Variants in PHF21A observed in about 807,000 individuals in gnomAD.
The protein encoded by PHF21A is PHD finger protein 21A, also known as BHC80a.
A neutral mutation model predicts 82.5 loss-of-function variants in PHF21A; 11 were observed. The observed-to-expected ratio is 0.13, with a 90% confidence interval of 0.08 to 0.22. The LOEUF is 0.22. PHF21A is among the 10% of genes least tolerant of loss of function. The pLI is 1.00. For missense variants in PHF21A, 579 were observed against 837.8 expected, an observed-to-expected ratio of 0.69 and a Z score of 3.81; for synonymous variants, 297 against 302.8, an observed-to-expected ratio of 0.98 and a Z score of 0.20.
At chr11:45,992,646 T>A (rs2094751981) in intron 6 of PHF21A, among the ~76,000 whole-genome samples, 1 of 152,294 alleles carries the variant, frequency 6.6e-6, no homozygotes, top group East Asian at 1.9e-4. Context: ...TTTATCATAA[T>A]GGAAGAGCTG....
At chr11:45,944,894 G>A (rs548657239) in intron 15 of PHF21A, among the ~76,000 whole-genome samples, 22 of 152,326 alleles carry the variant, frequency 1.4e-4, no homozygotes, top group African/African-American at 5.1e-4. Context: ...AGCCTCCAGA[G>A]TAACTGGGAT....
intron 10 of PHF21A, among the ~76,000 whole-genome samples, chr11:45,961,121 A>G (rs946847862): frequency 2.0e-5 from 3 of 152,230 alleles, no homozygotes; most frequent in Non-Finnish European, 4.4e-5. Flanking sequence ...AAATAAATAA[A>G]AAGTCCAGTT....
intron 6 of PHF21A, among the ~76,000 whole-genome samples, chr11:45,993,727 G>A (rs2094799127): frequency 6.6e-6 from 1 of 151,604 alleles, no homozygotes; most frequent in Non-Finnish European, 1.5e-5. Context: ...GAGTCAGGCT[G>A]TTGAGATCCA....
chr11:46,060,538 A>G lies in PHF21A; in HGVS notation c.153+16216T>C, dbSNP rs569618859. Among the ~76,000 whole-genome samples, 7 of 152,278 alleles carry G rather than the reference A, an allele frequency of 4.6e-5. No homozygotes were observed. In the South Asian group the frequency reaches 1.4e-3, roughly 32 times the overall value. On this transcript the variant is annotated intron_variant, in intron 6 of 18. Coordinates refer to ENST00000676320, the MANE Select transcript of PHF21A (RefSeq NM_001352027.3). ...ATTTCTAAGTAAATTCTAACCACTC[A>G]TTGTGGTTCTGATGTGCATTTCTCT...
intron 1 of PHF21A, among the ~76,000 whole-genome samples, chr11:46,104,376 T>A (rs1241450127): frequency 1.3e-5 from 2 of 152,150 alleles, no homozygotes; most frequent in Non-Finnish European, 2.9e-5. Context: ...TGCATCAATA[T>A]CTTGGTGCTG....
chr11:46,004,220 A>T (rs549618844), intron 6 of PHF21A, among the ~76,000 whole-genome samples: 1 of 152,318 alleles, frequency 6.6e-6, no homozygotes, highest in Admixed American at 6.5e-5. Flanking sequence ...ACTGGTAAGA[A>T]ATTTCATCCA....
At chr11:46,024,627 C>A (rs938209164) in intron 6 of PHF21A, among the ~76,000 whole-genome samples, 4 of 151,996 alleles carry the variant, frequency 2.6e-5, no homozygotes, top group African/African-American at 9.7e-5. Context: ...TGGTGAAACC[C>A]CATCTCTACT....
intron 6 of PHF21A, among the ~76,000 whole-genome samples, chr11:46,052,384 C>T (rs1224072631): frequency 6.6e-6 from 1 of 152,076 alleles, no homozygotes; most frequent in Non-Finnish European, 1.5e-5. Context: ...TTATATATAC[C>T]AATAAATCTC....
intron 6 of PHF21A, among the ~76,000 whole-genome samples, chr11:46,021,441 A>G (rs557075346): frequency 3.9e-5 from 6 of 152,298 alleles, no homozygotes; most frequent in South Asian, 2.1e-4. Context: ...AGTATTGTCA[A>G]TCTAGAAACA....
At chr11:46,077,910 A>ATTAT (rs976376308) in intron 5 of PHF21A, among the ~76,000 whole-genome samples, 2 of 152,046 alleles carry the variant, frequency 1.3e-5, no homozygotes, top group African/African-American at 2.4e-5. Context: ...AATCTAATTT[A>ATTAT]TTATTTATTT....
At chr11:46,120,742 CT>C (rs1014413521) in intron 1 of PHF21A, among the ~76,000 whole-genome samples, 192 bp downstream of exon 1, 6 of 151,914 alleles carry the variant, frequency 3.9e-5, no homozygotes, top group African/African-American at 4.8e-5. Flanking sequence ...TCCCCTCCCC[CT>C]ACCTCCCCCC....
At chr11:46,015,895 CATCTATCTATCT>C (rs35580116) in intron 6 of PHF21A, among the ~76,000 whole-genome samples, 2,443 of 149,580 alleles carry the variant, frequency 0.016, 64 homozygotes, top group African/African-American at 0.052. Flanking sequence ...GTTTTACAGT[CATCTATCTATCT>C]ATCTATCTAT....
chr11:46,107,457 G>T (rs1323124383), intron 1 of PHF21A, among the ~76,000 whole-genome samples: 1 of 152,158 alleles, frequency 6.6e-6, no homozygotes, highest in African/African-American at 2.4e-5. Flanking sequence ...TGCTACCAAT[G>T]AGAAAAACTA....
At chr11:46,033,460 C>T (rs912746472) in intron 6 of PHF21A, among the ~76,000 whole-genome samples, 19 of 152,088 alleles carry the variant, frequency 1.2e-4, no homozygotes, top group East Asian at 5.8e-4. Flanking sequence ...AGATGGGTTT[C>T]GCCATGTTGC....
intron 15 of PHF21A, among the ~76,000 whole-genome samples, chr11:45,944,687 C>T (rs2091012055): frequency 6.6e-6 from 1 of 152,240 alleles, no homozygotes; most frequent in Non-Finnish European, 1.5e-5. Context: ...GGCTCTTCCC[C>T]CAGATCCTCC....
intron 1 of PHF21A, among the ~76,000 whole-genome samples, chr11:46,112,731 C>T (rs1437726664): frequency 6.6e-6 from 1 of 152,082 alleles, no homozygotes; most frequent in Non-Finnish European, 1.5e-5. Context: ...TTCCATCCAA[C>T]CTTACGGAAC....
chr11:45,973,328 T>C (rs936358020), intron 7 of PHF21A, among the ~76,000 whole-genome samples: 1 of 152,218 alleles, frequency 6.6e-6, no homozygotes, highest in African/African-American at 2.4e-5. Context: ...TCTGGACAAC[T>C]TCCCTTATGA....
chr11:46,035,943 AAT>A (rs2095992943), intron 6 of PHF21A, among the ~76,000 whole-genome samples: 1 of 152,214 alleles, frequency 6.6e-6, no homozygotes, highest in African/African-American at 2.4e-5. Context: ...CAACCATTTA[AAT>A]TTGCATTTTT....
chr11:46,086,186 T>G (rs1484178222), intron 3 of PHF21A, among the ~76,000 whole-genome samples: 1 of 151,988 alleles, frequency 6.6e-6, no homozygotes. Context: ...TGGCACGATC[T>G]CAGCTCACTG....
Sources: allele counts gnomAD v4.1 joint callset (sites outside exome capture counted in the v4.1 genomes callset), GRCh38; gene constraint gnomAD v4.1.1; transcripts MANE v1.5; gene names NCBI Gene and HGNC (gene_info 2026-07-23, HGNC 2026-07-21).